ZBTB20: variants seen among roughly 807,000 people sequenced by gnomAD.
ZBTB20 encodes zinc finger and BTB domain-containing protein 20.
A neutral mutation model predicts 56.9 loss-of-function variants in ZBTB20; 9 were observed. That is an observed-to-expected ratio of 0.16 (90% CI 0.10 to 0.28). ZBTB20 has a LOEUF of 0.28. ZBTB20 is among the 10% of genes least tolerant of loss of function. ZBTB20 has a pLI of 1.00. For missense variants in ZBTB20, 655 were observed against 1,003.0 expected, an observed-to-expected ratio of 0.65 and a Z score of 4.69; for synonymous variants, 417 against 420.7, an observed-to-expected ratio of 0.99 and a Z score of 0.11.
intron 3 of ZBTB20, among the ~76,000 whole-genome samples, chr3:114,931,952 A>C (rs1220477416): frequency 6.6e-6 from 1 of 152,238 alleles, no homozygotes; most frequent in Non-Finnish European, 1.5e-5. Context: ...GAAAATCCTT[A>C]TGCTTTTGTG....
chr3:114,422,873 A>G (rs2089312758), intron 7 of ZBTB20, among the ~76,000 whole-genome samples: 1 of 152,108 alleles, frequency 6.6e-6, no homozygotes, highest in Non-Finnish European at 1.5e-5. Flanking sequence ...GGTGTTATAT[A>G]TATTTTGGGT....
intron 7 of ZBTB20, among the ~76,000 whole-genome samples, chr3:114,496,019 T>C (rs1274126811): frequency 6.7e-6 from 1 of 148,736 alleles, no homozygotes; most frequent in Non-Finnish European, 1.5e-5. Flanking sequence ...AGCAAGTTGA[T>C]TTTTTTTTTT....
rs2107995376 is a variant in ZBTB20, at chr3:114,320,642, T to C, written c.*18363A>G. On this transcript the variant is annotated 3_prime_UTR_variant, in exon 12 of 12. Coordinates refer to ENST00000675478, the MANE Select transcript of ZBTB20 (RefSeq NM_001348800.3). ...CTTTTAATCTTTTACTCCCTAGTTC[T>C]TTATATCTTTAAAATGAACAAATTT... 1 of 152,318 alleles carries C rather than the reference T, an allele frequency of 6.6e-6. No individual in the cohort carries two copies. Among genetic ancestry groups the C allele is most frequent in the East Asian group, 1.9e-4 (1 of 5,192 alleles). The allele number at this position is 152,318 out of a possible 1,614,324, so 9.4% of individuals were successfully genotyped here. A position where few individuals can be genotyped will look rare whatever the true frequency, so the allele number is the denominator to read the frequency against.
At chr3:114,368,031 T>C (rs1161561501) in intron 10 of ZBTB20, among the ~76,000 whole-genome samples, 3 of 152,190 alleles carry the variant, frequency 2.0e-5, no homozygotes, top group Non-Finnish European at 4.4e-5. Context: ...TTTTAGTTCA[T>C]ATTAATAATT....
chr3:114,459,743 A>G (rs1186567791), intron 7 of ZBTB20, among the ~76,000 whole-genome samples: 1 of 152,156 alleles, frequency 6.6e-6, no homozygotes, highest in African/African-American at 2.4e-5. Context: ...ATTGGAGGGT[A>G]TAGTATTTAA....
At chr3:114,830,956 C>A (rs1373970810) in intron 4 of ZBTB20, among the ~76,000 whole-genome samples, 1 of 151,856 alleles carries the variant, frequency 6.6e-6, no homozygotes, top group African/African-American at 2.4e-5. Context: ...GGTCACTGCA[C>A]TGCCATATTA....
At chr3:114,897,690 G>C (rs1050707666) in intron 4 of ZBTB20, among the ~76,000 whole-genome samples, 6 of 152,036 alleles carry the variant, frequency 3.9e-5, no homozygotes, top group Admixed American at 1.3e-4. Context: ...ACCACACTAA[G>C]ATTCACTGGA....
At chr3:114,524,829 C>T (rs912692076) in intron 6 of ZBTB20, among the ~76,000 whole-genome samples, 21 of 152,148 alleles carry the variant, frequency 1.4e-4, no homozygotes, top group African/African-American at 3.1e-4. Flanking sequence ...ATTCCCCTGC[C>T]GCGGTCTCTT....
At chr3:114,629,977 G>T (rs1431893737) in intron 6 of ZBTB20, among the ~76,000 whole-genome samples, 1 of 151,972 alleles carries the variant, frequency 6.6e-6, no homozygotes, top group Admixed American at 6.6e-5. Context: ...GTGAAATGCC[G>T]TTTCTACAAA....
At chr3:114,802,514 T>G (rs891745371) in intron 4 of ZBTB20, among the ~76,000 whole-genome samples, 3 of 151,746 alleles carry the variant, frequency 2.0e-5, no homozygotes, top group African/African-American at 7.3e-5. Flanking sequence ...TAACTAAACT[T>G]TTCCCCCTCC....
At chr3:114,960,086 T>C (rs1166826348) in intron 3 of ZBTB20, among the ~76,000 whole-genome samples, 7 of 152,198 alleles carry the variant, frequency 4.6e-5, no homozygotes, top group East Asian at 1.9e-4. Context: ...ACTTGGTGAA[T>C]TGAGCCTCTC....
intron 5 of ZBTB20, among the ~76,000 whole-genome samples, chr3:114,730,884 T>C (rs1014307539): frequency 5.3e-5 from 8 of 152,212 alleles, no homozygotes; most frequent in African/African-American, 1.9e-4. Context: ...TTTATAGGTA[T>C]AGAAACAGAC....
chr3:115,116,637 T>C (rs1472433528), intron 1 of ZBTB20, among the ~76,000 whole-genome samples: 2 of 151,942 alleles, frequency 1.3e-5, no homozygotes, highest in African/African-American at 4.8e-5. Context: ...ATTTATTAAT[T>C]CTTGAGTATG....
intron 3 of ZBTB20, among the ~76,000 whole-genome samples, chr3:114,962,128 T>C (rs990042930): frequency 2.0e-5 from 3 of 152,122 alleles, no homozygotes; most frequent in Non-Finnish European, 4.4e-5. Context: ...AATGAATACA[T>C]GCTCCAGGCT....
intron 2 of ZBTB20, among the ~76,000 whole-genome samples, chr3:115,019,255 A>AG (rs1324783397): frequency 6.6e-6 from 1 of 151,294 alleles, no homozygotes; most frequent in Non-Finnish European, 1.5e-5. Flanking sequence ...TTTGAACCTA[A>AG]ATAATTTGTT....
chr3:115,120,065 G>A (rs1394097644), intron 1 of ZBTB20, among the ~76,000 whole-genome samples: 2 of 151,956 alleles, frequency 1.3e-5, no homozygotes, highest in Non-Finnish European at 2.9e-5. Context: ...AATTTTTAAG[G>A]CAGAGAAATT....
intron 4 of ZBTB20, among the ~76,000 whole-genome samples, chr3:114,899,713 C>A (rs959963402): frequency 2.0e-5 from 3 of 152,162 alleles, no homozygotes; most frequent in African/African-American, 7.2e-5. Flanking sequence ...TCTGTGCTCT[C>A]ACTCATATGA....
chr3:114,438,323 A>G (rs1289225431), intron 7 of ZBTB20, among the ~76,000 whole-genome samples: 3 of 150,722 alleles, frequency 2.0e-5, no homozygotes, highest in Non-Finnish European at 3.0e-5. Context: ...TAAAACATCA[A>G]TTTAATGACT....
intron 4 of ZBTB20, among the ~76,000 whole-genome samples, chr3:114,878,969 G>A (rs915376342): frequency 6.6e-6 from 1 of 152,142 alleles, no homozygotes; most frequent in Non-Finnish European, 1.5e-5. Flanking sequence ...AAATTATAAA[G>A]CCAGGTACGA....
Sources: gnomAD v4.1 joint callset for allele counts (sites outside exome capture counted in the v4.1 genomes callset) on GRCh38, gnomAD v4.1.1 for gene constraint, MANE v1.5 for transcripts, NCBI Gene and HGNC (gene_info 2026-07-23, HGNC 2026-07-21) for gene names.